Variants in WDR70 observed in about 807,000 individuals in gnomAD.
WDR70 encodes the protein WD repeat domain 70, also known as WD repeat-containing protein 70.
In WDR70, 53 loss-of-function variants were observed where a neutral mutation model predicts 88.6. The observed-to-expected ratio is 0.60, with a 90% CI of 0.48 to 0.75. The LOEUF is 0.75. Among genes scored for constraint, WDR70 ranks in the 30% least tolerant of loss-of-function variants. WDR70 has a pLI of 0.00. For synonymous variants in WDR70, 280 were observed against 270.0 expected (o/e 1.04, Z -0.36); for missense variants, 610 against 823.2 (o/e 0.74, Z 3.17).
intron 10 of WDR70, among the ~76,000 whole-genome samples, chr5:37,685,794 C>T (rs781114227): frequency 5.3e-5 from 8 of 152,088 alleles, no homozygotes; most frequent in South Asian, 4.1e-4. Flanking sequence ...TCTAAAGGCC[C>T]GTGGCGAGAG....
intron 10 of WDR70, among the ~76,000 whole-genome samples, chr5:37,669,134 A>G (rs1745947202): frequency 6.6e-6 from 1 of 152,196 alleles, no homozygotes; most frequent in Admixed American, 6.5e-5. Flanking sequence ...AAATTATTTC[A>G]AGAAAATTCT....
chr5:37,534,199 A>G (rs1741587067), intron 9 of WDR70, among the ~76,000 whole-genome samples: 1 of 152,176 alleles, frequency 6.6e-6, no homozygotes, highest in South Asian at 2.1e-4. Flanking sequence ...GTCTCTACAC[A>G]CTGCTCTGCC....
chr5:37,636,485 C>T (rs1044682201), intron 10 of WDR70, among the ~76,000 whole-genome samples: 1 of 152,168 alleles, frequency 6.6e-6, no homozygotes, highest in Non-Finnish European at 1.5e-5. Context: ...GGTATTTCCT[C>T]ACAAGATATT....
In WDR70 at chr5:37,540,905, T is replaced by G. The variant is rs550942791; in HGVS notation, c.917+24315T>G. Among the ~76,000 whole-genome samples, 18 of 152,348 alleles carry G rather than the reference T, an allele frequency of 1.2e-4. No homozygotes were observed. The East Asian group carries it at 3.5e-3, about 29-fold the overall frequency. ...ATATTTTATTTTTTTAAAATCTACT[T>G]AATACTTTATTAAGAATTTATTAGA... On this transcript the variant is annotated intron_variant, in intron 9 of 17. Coordinates refer to ENST00000265107, the MANE Select transcript of WDR70 (RefSeq NM_018034.4).
chr5:37,746,340 G>A (rs570289755), intron 17 of WDR70, among the ~76,000 whole-genome samples: 21 of 152,168 alleles, frequency 1.4e-4, no homozygotes, highest in African/African-American at 4.6e-4. Context: ...ATCTCAAAAC[G>A]ACACCCTAAC....
At chr5:37,686,452 G>GA (rs1354506361) in intron 10 of WDR70, among the ~76,000 whole-genome samples, 1 of 151,504 alleles carries the variant, frequency 6.6e-6, no homozygotes, top group African/African-American at 2.4e-5. Context: ...TGTTAGAAGT[G>GA]AGTCTTGGAC....
At chr5:37,503,402 G>A (rs1047550925) in intron 8 of WDR70, among the ~76,000 whole-genome samples, 1 of 152,068 alleles carries the variant, frequency 6.6e-6, no homozygotes, top group Admixed American at 6.6e-5. Flanking sequence ...TGTATTTACT[G>A]CTTTTTTCCC....
At chr5:37,424,148 C>CAAAAAAAAAAAAAA (rs11304949) in intron 5 of WDR70, among the ~76,000 whole-genome samples, 2 of 55,492 alleles carry the variant, frequency 3.6e-5, no homozygotes, top group Admixed American at 3.2e-4. Flanking sequence ...GACTCCATCT[C>CAAAAAAAAAAAAAA]AAAAAAAAAA....
chr5:37,743,016 A>C (rs1274308570), intron 17 of WDR70, among the ~76,000 whole-genome samples: 1 of 152,254 alleles, frequency 6.6e-6, no homozygotes, highest in Admixed American at 6.5e-5. Context: ...GGCAGGGCCA[A>C]GATGGCCAAT....
intron 9 of WDR70, among the ~76,000 whole-genome samples, chr5:37,588,536 CT>C (rs1743430423): frequency 6.6e-6 from 1 of 151,634 alleles, no homozygotes; most frequent in Non-Finnish European, 1.5e-5. Flanking sequence ...CCTTAACTTT[CT>C]TTTTTCCCCC....
chr5:37,681,822 C>T (rs1363840549), intron 10 of WDR70, among the ~76,000 whole-genome samples: 9 of 151,936 alleles, frequency 5.9e-5, no homozygotes, highest in Non-Finnish European at 1.0e-4. Context: ...CTCCTGGTTT[C>T]GGTTTACCAA....
At chr5:37,589,095 A>C (rs933698400) in intron 9 of WDR70, among the ~76,000 whole-genome samples, 1 of 151,788 alleles carries the variant, frequency 6.6e-6, no homozygotes, top group African/African-American at 2.4e-5. Flanking sequence ...GTCTTGCTAT[A>C]TTGTTCAGGC....
intron 9 of WDR70, among the ~76,000 whole-genome samples, chr5:37,531,425 A>G (rs1477712910): frequency 6.6e-6 from 1 of 152,016 alleles, no homozygotes; most frequent in Non-Finnish European, 1.5e-5. Flanking sequence ...TCTTAGGCCT[A>G]GTAGAATTGT....
intron 17 of WDR70, among the ~76,000 whole-genome samples, chr5:37,750,790 A>G (rs2112749741): frequency 1.3e-5 from 2 of 152,348 alleles, no homozygotes; most frequent in East Asian, 3.9e-4. Context: ...CTCCCCAGGC[A>G]GGTGTAACTG....
rs762737997 is a variant in WDR70 at position 37,396,422 on chromosome 5, A to G, written c.344A>G (p.Asp115Gly). 1 of 1,613,864 alleles carries G rather than the reference A, an allele frequency of 6.2e-7. No individual in the cohort carries two copies. Among genetic ancestry groups the G allele is most frequent in the South Asian group, 1.1e-5 (1 of 91,062 alleles). Residue 115 changes from aspartate (D) to glycine (G), a missense_variant, in exon 5 of 18, where the codon GAT becomes GGT. By Grantham distance (94) the Asp-to-Gly change is moderately conservative. Around this residue, in one of 4 missense-constraint regions of WDR70, gnomAD observed 203 missense variants for 228.1 expected, o/e 0.89. Transcript: ENST00000265107. The part of the protein sequence containing the change: ...ESEQSSDSSD[D>G]ELIGPPLPPK... ...GAACAGAGTTCTGACTCTTCTGATGATGAGTTAATTGGCCCTCCTTTACCC... is the reference window on the plus strand; with the variant it reads ...GAACAGAGTTCTGACTCTTCTGATGGTGAGTTAATTGGCCCTCCTTTACCC...
chr5:37,554,738 C>G, intron 9 of WDR70, among the ~76,000 whole-genome samples: 1 of 151,776 alleles, frequency 6.6e-6, no homozygotes, highest in Non-Finnish European at 1.5e-5. Context: ...CTATGTTACC[C>G]AGGCTGGAGC....
At chr5:37,721,266 G>T in intron 14 of WDR70, 51 bp downstream of exon 14, 1 of 1,515,704 alleles carries the variant, frequency 6.6e-7, no homozygotes, top group Non-Finnish European at 9.1e-7. Context: ...ACTGGGGGGA[G>T]GGATTTCCCT....
chr5:37,750,352 G>A (rs1561105235), intron 17 of WDR70, among the ~76,000 whole-genome samples: 2 of 152,132 alleles, frequency 1.3e-5, no homozygotes, highest in African/African-American at 4.8e-5. Flanking sequence ...TGGGCAACAT[G>A]AGCAAGACCA....
chr5:37,484,965 T>A (rs1333191241), intron 8 of WDR70, among the ~76,000 whole-genome samples: 1 of 152,222 alleles, frequency 6.6e-6, no homozygotes, highest in Non-Finnish European at 1.5e-5. Context: ...TGGCTAACAT[T>A]GATAGTATAG....
Sources: allele counts gnomAD v4.1 joint callset (sites outside exome capture counted in the v4.1 genomes callset), GRCh38; gene constraint gnomAD v4.1.1; regional missense constraint gnomAD v4.1.1; transcripts MANE v1.5; gene names NCBI Gene and HGNC (gene_info 2026-07-23, HGNC 2026-07-21).